Variants in MYCBPAP observed in about 807,000 individuals in gnomAD.
MYCBPAP encodes MYCBP-associated protein.
MYCBPAP carries 60 observed loss-of-function variants against 106.1 expected under a neutral mutation model. The ratio of observed to expected loss-of-function variants is 0.57; its 90% confidence interval spans 0.46 to 0.70. The LOEUF (loss-of-function observed/expected upper bound fraction) is 0.70. Ranked by LOEUF, MYCBPAP falls within the 30% of genes least tolerant of loss-of-function variation. The pLI, the probability that MYCBPAP is intolerant of heterozygous loss-of-function variation, is 0.00. For synonymous variants in MYCBPAP, 407 were observed against 440.6 expected, an observed-to-expected ratio of 0.92 and a Z score of 0.95; for missense variants, 1,064 against 1,169.3, an observed-to-expected ratio of 0.91 and a Z score of 1.31.
chr17:50,524,764 G>A lies in MYCBPAP; in HGVS notation c.1636-113G>A, dbSNP rs995054955. ...AGAGAGAGAGAGAGAGAGAGACAAT[G>A]GCAGGAACTCAGACCCTAGGAAGGC... On this transcript the variant is annotated intron_variant, in intron 12 of 18. Coordinates refer to ENST00000323776, the MANE Select transcript of MYCBPAP (RefSeq NM_032133.6). 6 of 948,868 alleles carry A rather than the reference G, an allele frequency of 6.3e-6. No individual in the cohort carries two copies. In the Admixed American group the frequency reaches 1.0e-4, roughly 17 times the overall value. The allele number at this position is 948,868 out of a possible 1,614,324, so 58.8% of individuals were successfully genotyped here.
intron 12 of MYCBPAP, among the ~76,000 whole-genome samples, chr17:50,524,250 G>A (rs1212032824): frequency 6.6e-6 from 1 of 152,174 alleles, no homozygotes; most frequent in Non-Finnish European, 1.5e-5. Context: ...TGAGGTGGGA[G>A]CTTGGAATCT....
intron 15 of MYCBPAP, among the ~76,000 whole-genome samples, chr17:50,527,929 C>T (rs908442447): frequency 4.6e-5 from 7 of 152,294 alleles, no homozygotes; most frequent in Middle Eastern, 3.4e-3. Context: ...GGCCTCCTAA[C>T]CCTAGTCCTG....
intron 1 of MYCBPAP, among the ~76,000 whole-genome samples, chr17:50,513,534 A>G (rs999444511): frequency 2.0e-5 from 3 of 152,226 alleles, no homozygotes; most frequent in African/African-American, 7.2e-5. Flanking sequence ...GAGTTTTACT[A>G]TTTCAATCTA....
chr17:50,519,916 C>A (rs781071665), intron 7 of MYCBPAP, 129 bp downstream of exon 7: 24 of 987,728 alleles, frequency 2.4e-5, no homozygotes, highest in Non-Finnish European at 3.2e-5. Context: ...TCTCTGGGGT[C>A]TTAGGCAAGT....
rs774592588 is a variant in MYCBPAP at position 50,527,449 on chromosome 17, T to G, written c.2291+41T>G. ...GGAGAGCTGCCCCATCTCCTTCCCT[T>G]TGTGGCATCTGCAGGGGTCCTGGGC... On this transcript the variant is annotated intron_variant, in intron 15 of 18. Transcript: ENST00000323776. 5.6e-6 allele frequency: 9 copies of G among 1,610,154 alleles called. No individual in the cohort carries two copies. The South Asian group carries it at 7.7e-5, about 14-fold the overall frequency.
intron 2 of MYCBPAP, among the ~76,000 whole-genome samples, chr17:50,517,011 G>C (rs1235868525): frequency 6.6e-6 from 1 of 152,178 alleles, no homozygotes. Flanking sequence ...ACAGCTCTGG[G>C]TAAAGCTGCT....
At position 50,519,468 on chromosome 17, in the gene MYCBPAP, CAG is replaced by C. The variant is rs1339370369; in HGVS notation, c.769-171_769-170del. Reference sequence around the variant, plus strand: ...GGCTGGGGGCAGGTAAAGATGACAACAGGGTGTCCAGAAAACACGGCAGTGGA... The same window carrying C: ...GGCTGGGGGCAGGTAAAGATGACAACGGTGTCCAGAAAACACGGCAGTGGA... On this transcript the variant is annotated intron_variant, in intron 6 of 18. Transcript: ENST00000323776. 1.0e-5 allele frequency: 8 copies of C among 772,060 alleles called. No individual in the cohort carries two copies. In the African/African-American group the frequency reaches 1.2e-4, roughly 12 times the overall value. The allele number at this position is 772,060 out of a possible 1,614,324, so 47.8% of individuals were successfully genotyped here. A position where few individuals can be genotyped will look rare whatever the true frequency, so the allele number is the denominator to read the frequency against.
chr17:50,526,189 G>A lies in MYCBPAP; in HGVS notation c.2091G>A (p.Val697=), dbSNP rs2034454383. The A allele has an allele frequency of 6.2e-7, 1 of 1,613,442 alleles. No individual in the cohort carries two copies. The highest frequency in any genetic ancestry group is 1.3e-5 in the African/African-American group (1 of 74,916). The change falls in exon 14 of 19, where the codon GTG becomes GTA. Residue 697 remains valine (V), a synonymous_variant. Coordinates refer to ENST00000323776, the MANE Select transcript of MYCBPAP (RefSeq NM_032133.6). ...TCCTGGTGGAGGAAAGCCCAGATGT[G>A]GACAGCACCAAGAGCCCCTGGGAGC... ...EEILVEESPD[V]DSTKSPWEPD...
At chr17:50,528,994 A>ATG (rs751397415) in intron 17 of MYCBPAP, 24 bp from the exon 18 acceptor site, 2 of 1,610,284 alleles carry the variant, frequency 1.2e-6, no homozygotes, top group Non-Finnish European at 1.7e-6. Context: ...CCTGAAGGCT[A>ATG]TGTGTGTCTC....
At chr17:50,508,812 A>T in intron 1 of MYCBPAP, 62 bp downstream of exon 1, 1 of 1,426,438 alleles carries the variant, frequency 7.0e-7, no homozygotes, top group South Asian at 1.2e-5. Context: ...CCCCGGAAAG[A>T]GTTCAGGACA....
At position 50,525,950 on chromosome 17, in the gene MYCBPAP, A is replaced by C. The variant is rs1331316976; in HGVS notation, c.1852A>C (p.Lys618Gln). 3.7e-6 allele frequency: 6 copies of C among 1,613,630 alleles called. No homozygotes were observed. Among genetic ancestry groups the C allele is most frequent in the Non-Finnish European group, 4.2e-6 (5 of 1,180,026 alleles). Residue 618 changes from lysine to glutamine, a missense_variant, in exon 14 of 19, where the codon AAG (lysine) becomes CAG (glutamine). Transcript: ENST00000323776. ...LWRQYMTLPA[K>Q]AEEARPGDKE... ...GCGCCAGTACATGACCCTGCCCGCCAAGGCTGAGGAGGCCAGGCCAGGGGA... is the reference window on the plus strand; with the variant it reads ...GCGCCAGTACATGACCCTGCCCGCCCAGGCTGAGGAGGCCAGGCCAGGGGA...
At chr17:50,510,499 GTATATATATATATATATATA>G (rs3063016) in intron 1 of MYCBPAP, 24 of 76,428 alleles carry the variant, frequency 3.1e-4, no homozygotes, top group Admixed American at 1.5e-3. Context: ...GTGTGTGTGT[GTATATATATATATATATATA>G]TATATATATA....
chr17:50,509,099 G>A (rs756704863), intron 1 of MYCBPAP: 3 of 703,002 alleles, frequency 4.3e-6, no homozygotes, highest in South Asian at 3.0e-5. Context: ...AGCCAGGAAA[G>A]AGTTTAAGGG....
chr17:50,511,773 A>G (rs1453570392), intron 1 of MYCBPAP, among the ~76,000 whole-genome samples: 1 of 152,188 alleles, frequency 6.6e-6, no homozygotes, highest in Non-Finnish European at 1.5e-5. Flanking sequence ...CTGGGCCTGT[A>G]TAGGCTCAGT....
chr17:50,509,536 C>CTCTGTG (rs2033745136), intron 1 of MYCBPAP: 1 of 151,018 alleles, frequency 6.6e-6, no homozygotes, highest in African/African-American at 2.7e-5. Flanking sequence ...CTTTTTTTTT[C>CTCTGTG]TGTGTGTGTG....
intron 9 of MYCBPAP, 121 bp downstream of exon 9, chr17:50,521,552 T>G: frequency 1.4e-6 from 1 of 737,666 alleles, no homozygotes; most frequent in Non-Finnish European, 2.3e-6. Flanking sequence ...TGTCCAGTGG[T>G]TGCCACCCAC....
chr17:50,512,488 G>A lies in MYCBPAP; in HGVS notation c.76+3738G>A, dbSNP rs530849890. Among the ~76,000 whole-genome samples, 33 of 152,190 alleles carry A rather than the reference G, an allele frequency of 2.2e-4. 1 individual carries two copies. The highest frequency in any genetic ancestry group is 6.7e-4 in the African/African-American group (28 of 41,500). On this transcript the variant is annotated intron_variant, in intron 1 of 18. Coordinates refer to ENST00000323776, the MANE Select transcript of MYCBPAP (RefSeq NM_032133.6). ...CCTGTGCAAAGCTTGCCTCTCCTTT[G>A]CAGCCTGCCTCAGCCTGTGGAGCCA... is the stretch of plus-strand genomic sequence containing the variant.
chr17:50,508,468 A>C lies in MYCBPAP; in HGVS notation c.-207A>C, dbSNP rs1002114378. 5 of 1,421,640 alleles carry C rather than the reference A, an allele frequency of 3.5e-6. No individual in the cohort carries two copies. The African/African-American group carries it at 7.4e-5, about 21-fold the overall frequency. 88.1% of individuals were successfully genotyped at this position (1,421,640 alleles called of 1,614,324 possible). ...CTTTCTAGGGGTCCGTCGCTCTTGA[A>C]GCCGCCGGCGGCGGGCGCGTGCGCG... On this transcript the variant is annotated 5_prime_UTR_variant, in exon 1 of 19. Transcript: ENST00000323776.
intron 4 of MYCBPAP, among the ~76,000 whole-genome samples, chr17:50,518,093 C>G (rs1179174234): frequency 1.3e-5 from 2 of 152,234 alleles, no homozygotes; most frequent in African/African-American, 4.8e-5. Flanking sequence ...AAGGTGGCTT[C>G]CCACTGCTTC....
Sources: allele counts gnomAD v4.1 joint callset (sites outside exome capture counted in the v4.1 genomes callset), GRCh38; gene constraint gnomAD v4.1.1; transcripts MANE v1.5; gene names NCBI Gene and HGNC (gene_info 2026-07-23, HGNC 2026-07-21).